EYS: variants seen among roughly 807,000 people sequenced by gnomAD.
EYS encodes the protein protein eyes shut homolog.
Under a neutral mutation model 282.1 loss-of-function variants are expected in EYS, and 250 were observed. The observed-to-expected ratio is 0.89, with a 90% confidence interval of 0.80 to 0.98. The LOEUF is 0.98. EYS is among the 50% of genes least tolerant of loss of function. The pLI is 0.00. For synonymous variants in EYS, 1,355 were observed against 1,282.9 expected (o/e 1.06, Z -1.20); for missense variants, 4,016 against 3,709.0 (o/e 1.08, Z -2.15).
chr6:65,568,197 C>G (rs1225427037), intron 2 of EYS, among the ~76,000 whole-genome samples: 2 of 152,162 alleles, frequency 1.3e-5, no homozygotes, highest in Non-Finnish European at 2.9e-5. Context: ...CATATCCATT[C>G]ATTCCTCCCT....
rs888171212 is a variant in EYS at position 64,883,443 on chromosome 6, T to TTA, written c.2992+3253_2992+3254insTA. Among the ~76,000 whole-genome samples, 72 of 151,420 alleles carry TTA rather than the reference T, an allele frequency of 4.8e-4. 1 individual carries two copies. Among genetic ancestry groups the TTA allele is most frequent in the African/African-American group, 1.7e-3 (69 of 41,490 alleles). On this transcript the variant is annotated intron_variant, in intron 19 of 42. Coordinates refer to ENST00000503581, the MANE Select transcript of EYS (RefSeq NM_001142800.2). ...AAAATATTTATACTTTTCTAGTAGA[T>TTA]ATATAAATATTAATATAGATATAAA... is the stretch of plus-strand genomic sequence containing the variant.
intron 13 of EYS, among the ~76,000 whole-genome samples, chr6:65,000,902 A>T (rs1771442057): frequency 6.6e-6 from 1 of 152,210 alleles, no homozygotes; most frequent in Non-Finnish European, 1.5e-5. Flanking sequence ...TGTAATAAAT[A>T]CTATTGACAT....
intron 31 of EYS, among the ~76,000 whole-genome samples, chr6:64,104,858 A>T (rs1014882173): frequency 6.6e-6 from 1 of 151,348 alleles, no homozygotes; most frequent in East Asian, 1.9e-4. Context: ...TTGTTTTGGT[A>T]GTCACGACCA....
At chr6:64,986,023 T>A (rs191398559) in intron 14 of EYS, among the ~76,000 whole-genome samples, 63 of 151,614 alleles carry the variant, frequency 4.2e-4, no homozygotes, top group Non-Finnish European at 7.4e-4. Flanking sequence ...CAAGTTTTGA[T>A]TTATCATTAT....
chr6:65,542,384 G>A lies in EYS; in HGVS notation c.-332-46391C>T, dbSNP rs1192983244. ...AACATTGTATAACCACCAGTCTATCGAATTTTAAAATACCTAATATTCTTT... is the reference window on the plus strand; with the variant it reads ...AACATTGTATAACCACCAGTCTATCAAATTTTAAAATACCTAATATTCTTT... On this transcript the variant is annotated intron_variant, in intron 2 of 42. Coordinates refer to ENST00000503581, the MANE Select transcript of EYS (RefSeq NM_001142800.2). Among the ~76,000 whole-genome samples the A allele has an allele frequency of 2.6e-5, 4 of 151,734 alleles. No individual in the cohort carries two copies. In the East Asian group the frequency reaches 7.8e-4, roughly 29 times the overall value.
intron 22 of EYS, among the ~76,000 whole-genome samples, chr6:64,736,668 A>G (rs1562163233): frequency 6.6e-6 from 1 of 152,090 alleles, no homozygotes; most frequent in Non-Finnish European, 1.5e-5. Context: ...TTATATTTCT[A>G]TTGCGAAATG....
chr6:65,114,228 G>A (rs986248142), intron 12 of EYS, among the ~76,000 whole-genome samples: 2 of 151,310 alleles, frequency 1.3e-5, no homozygotes, highest in Admixed American at 6.6e-5. Context: ...CTAAATACAT[G>A]AATAAAAATA....
rs1209900797 is a variant in EYS at position 65,515,676 on chromosome 6, T to C, written c.-332-19683A>G. The stretch of plus-strand genomic sequence containing the variant: ...TGAAATTGGAAATCATCATTCTCAG[T>C]AAACTATCGCAAGGACAAAAAACCA... On this transcript the variant is annotated intron_variant, in intron 2 of 42. Transcript: ENST00000503581. 2.7e-5 allele frequency among the ~76,000 whole-genome samples: 4 copies of C among 150,318 alleles called. No individual in the cohort carries two copies. In the East Asian group the frequency reaches 5.9e-4, roughly 22 times the overall value.
intron 29 of EYS, among the ~76,000 whole-genome samples, chr6:64,360,661 T>C (rs1771974623): frequency 6.6e-6 from 1 of 151,772 alleles, no homozygotes; most frequent in South Asian, 2.1e-4. Context: ...GAAAAATTTG[T>C]TTCTCTCTTA....
At chr6:64,669,916 GTTGT>G (rs1769384374) in intron 22 of EYS, among the ~76,000 whole-genome samples, 1 of 152,170 alleles carries the variant, frequency 6.6e-6, no homozygotes, top group African/African-American at 2.4e-5. Context: ...CGTTAGATAG[GTTGT>G]TTAAGTTCCT....
At chr6:65,151,217 C>T (rs566148312) in intron 12 of EYS, among the ~76,000 whole-genome samples, 4 of 151,882 alleles carry the variant, frequency 2.6e-5, no homozygotes, top group Non-Finnish European at 5.9e-5. Context: ...GAAAAATGCT[C>T]CAAGCATCAG....
intron 12 of EYS, among the ~76,000 whole-genome samples, chr6:65,235,833 T>A (rs1484495282): frequency 2.6e-5 from 4 of 152,138 alleles, no homozygotes; most frequent in Non-Finnish European, 4.4e-5. Flanking sequence ...TAGTTTGGAT[T>A]ATATCAGCAT....
At chr6:65,431,291 T>C (rs147466588) in intron 5 of EYS, among the ~76,000 whole-genome samples, 1,622 of 152,258 alleles carry the variant, frequency 0.011, 30 homozygotes, top group South Asian at 0.046. Context: ...AATATCACCA[T>C]CCTGTATCTT....
At chr6:65,028,307 A>G (rs1407965191) in intron 13 of EYS, among the ~76,000 whole-genome samples, 1 of 151,810 alleles carries the variant, frequency 6.6e-6, no homozygotes, top group Non-Finnish European at 1.5e-5. Flanking sequence ...TCTATATTAT[A>G]TGCATTTCTA....
intron 29 of EYS, among the ~76,000 whole-genome samples, chr6:64,370,544 T>C (rs186934188): frequency 6.6e-6 from 1 of 152,274 alleles, no homozygotes; most frequent in African/African-American, 2.4e-5. Flanking sequence ...CAGAATGAGT[T>C]AGGGAGAAAT....
chr6:65,622,602 TA>T (rs1426461806), intron 2 of EYS, among the ~76,000 whole-genome samples: 10 of 152,132 alleles, frequency 6.6e-5, no homozygotes, highest in Non-Finnish European at 1.5e-4. Context: ...ATAATAAGAA[TA>T]AATATTTGGG....
At chr6:65,310,576 C>T (rs763249335) in intron 11 of EYS, among the ~76,000 whole-genome samples, 33 of 152,256 alleles carry the variant, frequency 2.2e-4, no homozygotes, top group Middle Eastern at 3.4e-3. Context: ...CTTCAAGGCT[C>T]CATGTGACCT....
At chr6:63,810,550 G>A (rs1441682445) in intron 36 of EYS, among the ~76,000 whole-genome samples, 1 of 152,166 alleles carries the variant, frequency 6.6e-6, no homozygotes, top group African/African-American at 2.4e-5. Flanking sequence ...GGCCAGCTCA[G>A]GCTTGATTCT....
intron 36 of EYS, among the ~76,000 whole-genome samples, chr6:63,862,337 G>T (rs1772555949): frequency 6.6e-6 from 1 of 152,028 alleles, no homozygotes; most frequent in Non-Finnish European, 1.5e-5. Context: ...TGCTAAACTA[G>T]ATCTGGCAAC....
Sources: allele counts gnomAD v4.1 joint callset (sites outside exome capture counted in the v4.1 genomes callset), GRCh38; gene constraint gnomAD v4.1.1; transcripts MANE v1.5; gene names NCBI Gene and HGNC (gene_info 2026-07-23, HGNC 2026-07-21).